TMTC1: variants seen among roughly 807,000 people sequenced by gnomAD.
TMTC1 encodes the protein transmembrane O-mannosyltransferase targeting cadherins 1.
Under a neutral mutation model 104.8 loss-of-function variants are expected in TMTC1, and 73 were observed. That is an observed-to-expected ratio of 0.70 (90% CI 0.58 to 0.85). The LOEUF is 0.85. Among genes scored for constraint, TMTC1 ranks in the 40% least tolerant of loss-of-function variants. The probability of loss-of-function intolerance (pLI) is 0.00; values close to 1 mark genes in which losing one functional copy is unlikely to be tolerated. For missense variants in TMTC1, 1,035 were observed against 1,096.1 expected (o/e 0.94, Z 0.79); for synonymous variants, 434 against 428.7 (o/e 1.01, Z -0.15).
At chr12:29,623,591 G>T (rs1937795439) in intron 6 of TMTC1, among the ~76,000 whole-genome samples, 1 of 152,182 alleles carries the variant, frequency 6.6e-6, no homozygotes, top group Admixed American at 6.5e-5. Flanking sequence ...GAGGCGGGTG[G>T]ATCACAAGGT....
intron 5 of TMTC1, among the ~76,000 whole-genome samples, chr12:29,677,175 CAATGT>C (rs1325147072): frequency 2.0e-5 from 3 of 152,150 alleles, no homozygotes; most frequent in African/African-American, 7.2e-5. Flanking sequence ...TTTATCTAGT[CAATGT>C]AATGGGTTTC....
At chr12:29,737,335 G>A (rs1320759256) in intron 5 of TMTC1, among the ~76,000 whole-genome samples, 2 of 152,078 alleles carry the variant, frequency 1.3e-5, no homozygotes, top group Non-Finnish European at 2.9e-5. Flanking sequence ...CCTGACCAAC[G>A]TGGAGAAACC....
intron 7 of TMTC1, among the ~76,000 whole-genome samples, chr12:29,585,804 GT>G (rs1448715673): frequency 6.6e-6 from 1 of 152,156 alleles, no homozygotes; most frequent in African/African-American, 2.4e-5. Context: ...CTATATCTCT[GT>G]TTTGGTACCA....
At chr12:29,781,289 T>C (rs559345210) in intron 1 of TMTC1, among the ~76,000 whole-genome samples, 1 of 152,340 alleles carries the variant, frequency 6.6e-6, no homozygotes, top group South Asian at 2.1e-4. Flanking sequence ...AAAAAGAGTG[T>C]ATCTTTCATA....
rs34808896 is a variant in TMTC1, at chr12:29,627,688, CAAAAA to C, written c.1128+5454_1128+5458del. Among the ~76,000 whole-genome samples, 62 of 140,924 alleles carry C rather than the reference CAAAAA, an allele frequency of 4.4e-4. 2 individuals are homozygous for C. In the South Asian group the frequency reaches 0.012, roughly 27 times the overall value. The allele number at this position is 140,924 out of a possible 152,430, so 92.5% of individuals were successfully genotyped here. ...TACAGTAGCATTATTTTTAGTAGTC[CAAAAA>C]AAAAAAAAAAAACCATCGAAAGTAG... is the stretch of plus-strand genomic sequence containing the variant. On this transcript the variant is annotated intron_variant, in intron 6 of 17. Transcript: ENST00000539277.
At chr12:29,720,894 T>A (rs1283265416) in intron 5 of TMTC1, among the ~76,000 whole-genome samples, 1 of 152,032 alleles carries the variant, frequency 6.6e-6, no homozygotes, top group Admixed American at 6.6e-5. Context: ...ACAAAAGATC[T>A]TAAAAGTAGT....
chr12:29,615,752 G>A (rs1379318230), intron 6 of TMTC1, among the ~76,000 whole-genome samples: 3 of 152,168 alleles, frequency 2.0e-5, no homozygotes, highest in Non-Finnish European at 2.9e-5. Context: ...TTGCCTTGTT[G>A]AAAACTATAA....
At chr12:29,663,048 G>C (rs1369435825) in intron 5 of TMTC1, among the ~76,000 whole-genome samples, 1 of 152,086 alleles carries the variant, frequency 6.6e-6, no homozygotes, top group Non-Finnish European at 1.5e-5. Context: ...TCCCAAAATG[G>C]GCTTTAGGGG....
At chr12:29,662,781 T>A (rs1940096314) in intron 5 of TMTC1, among the ~76,000 whole-genome samples, 3 of 152,188 alleles carry the variant, frequency 2.0e-5, no homozygotes, top group African/African-American at 7.2e-5. Flanking sequence ...TCACCTCTCT[T>A]TTCCTCTGCC....
intron 8 of TMTC1, among the ~76,000 whole-genome samples, chr12:29,579,815 T>A (rs1281867844): frequency 6.6e-6 from 1 of 152,198 alleles, no homozygotes; most frequent in Non-Finnish European, 1.5e-5. Flanking sequence ...GCCTTGCAGC[T>A]ATGATCATAA....
At chr12:29,751,031 T>A (rs776029485) in intron 5 of TMTC1, among the ~76,000 whole-genome samples, 1 of 152,212 alleles carries the variant, frequency 6.6e-6, no homozygotes, top group Non-Finnish European at 1.5e-5. Flanking sequence ...AAATAAACTC[T>A]TTAGCTTTTT....
intron 5 of TMTC1, among the ~76,000 whole-genome samples, chr12:29,660,523 T>C (rs1182166333): frequency 6.6e-6 from 1 of 152,162 alleles, no homozygotes; most frequent in African/African-American, 2.4e-5. Context: ...CTGCCTCCTC[T>C]TGAGACAACT....
intron 5 of TMTC1, among the ~76,000 whole-genome samples, chr12:29,647,970 C>T (rs1283916824): frequency 2.0e-5 from 3 of 152,150 alleles, no homozygotes; most frequent in African/African-American, 7.2e-5. Context: ...TGGCTATGGT[C>T]GTGGAAATGA....
intron 1 of TMTC1, among the ~76,000 whole-genome samples, chr12:29,774,874 A>G (rs1306495451): frequency 6.6e-6 from 1 of 152,178 alleles, no homozygotes; most frequent in Non-Finnish European, 1.5e-5. Context: ...AACAGTCCAG[A>G]GGGGAGATTG....
chr12:29,589,018 C>T (rs1946212922), intron 7 of TMTC1, among the ~76,000 whole-genome samples: 1 of 150,842 alleles, frequency 6.6e-6, no homozygotes, highest in Non-Finnish European at 1.5e-5. Context: ...AACTACCTTT[C>T]CTTCTGTTCC....
intron 6 of TMTC1, among the ~76,000 whole-genome samples, chr12:29,627,150 T>C (rs903480838): frequency 6.6e-6 from 1 of 152,060 alleles, no homozygotes; most frequent in African/African-American, 2.4e-5. Flanking sequence ...TCAAAGGACA[T>C]TATCAGGAAT....
chr12:29,584,232 T>C (rs1298605005), intron 7 of TMTC1, among the ~76,000 whole-genome samples: 1 of 152,190 alleles, frequency 6.6e-6, no homozygotes, highest in East Asian at 1.9e-4. Context: ...GCACTTTGTA[T>C]ATCAGCATTA....
intron 5 of TMTC1, among the ~76,000 whole-genome samples, chr12:29,676,217 A>G (rs1219711810): frequency 6.6e-6 from 1 of 152,192 alleles, no homozygotes; most frequent in Admixed American, 6.5e-5. Context: ...TCAGATATCC[A>G]TTTTAATTTT....
At chr12:29,735,975 T>C (rs370323837) in intron 5 of TMTC1, among the ~76,000 whole-genome samples, 1 of 152,136 alleles carries the variant, frequency 6.6e-6, no homozygotes, top group East Asian at 1.9e-4. Context: ...AGACTGTAGG[T>C]TGAGGAGATT....
Sources: allele counts gnomAD v4.1 joint callset (sites outside exome capture counted in the v4.1 genomes callset), GRCh38; gene constraint gnomAD v4.1.1; transcripts MANE v1.5; gene names NCBI Gene and HGNC (gene_info 2026-07-23, HGNC 2026-07-21).